CNTN5: variants seen among roughly 807,000 people sequenced by gnomAD.
CNTN5 encodes contactin-5.
In CNTN5, 77 loss-of-function variants were observed where a neutral mutation model predicts 129.1. The ratio of observed to expected loss-of-function variants is 0.60; its 90% CI spans 0.50 to 0.72. The LOEUF (loss-of-function observed/expected upper bound fraction) is 0.72, where lower values mean the gene tolerates loss of function less well. CNTN5 is among the 30% of genes least tolerant of loss of function. The probability of loss-of-function intolerance (pLI) is 0.00; values close to 1 mark genes in which losing one functional copy is unlikely to be tolerated. For synonymous variants in CNTN5, 509 were observed against 465.6 expected, an observed-to-expected ratio of 1.09 and a Z score of -1.20; for missense variants, 1,478 against 1,328.8, an observed-to-expected ratio of 1.11 and a Z score of -1.75.
chr11:99,837,150 C>G (rs1423440255), intron 4 of CNTN5, among the ~76,000 whole-genome samples: 1 of 152,170 alleles, frequency 6.6e-6, no homozygotes, highest in South Asian at 2.1e-4. Flanking sequence ...TCATTTTTCC[C>G]AGCCTCTGTT....
At chr11:99,107,635 T>A (rs1291050216) in intron 1 of CNTN5, among the ~76,000 whole-genome samples, 2 of 151,756 alleles carry the variant, frequency 1.3e-5, no homozygotes, top group East Asian at 3.9e-4. Context: ...ACAAAATGGA[T>A]CTTAAACTAG....
chr11:100,078,073 G>A (rs1303695039), intron 13 of CNTN5, among the ~76,000 whole-genome samples: 1 of 151,986 alleles, frequency 6.6e-6, no homozygotes, highest in Non-Finnish European at 1.5e-5. Context: ...GAAAATGATA[G>A]AACAACTGAA....
intron 10 of CNTN5, among the ~76,000 whole-genome samples, chr11:100,061,794 A>G (rs1045126305): frequency 6.6e-6 from 1 of 152,182 alleles, no homozygotes; most frequent in Non-Finnish European, 1.5e-5. Context: ...TGATGTTGGA[A>G]CAAAGTCACA....
At chr11:100,156,169 A>G (rs1267388086) in intron 13 of CNTN5, among the ~76,000 whole-genome samples, 3 of 152,144 alleles carry the variant, frequency 2.0e-5, no homozygotes, top group Non-Finnish European at 4.4e-5. Context: ...TTATTTTGAT[A>G]TGTTCCATCA....
At chr11:100,257,619 C>G (rs180800064) in intron 17 of CNTN5, among the ~76,000 whole-genome samples, 3 of 152,152 alleles carry the variant, frequency 2.0e-5, no homozygotes, top group African/African-American at 7.2e-5. Context: ...CTGTCCTGCA[C>G]CCTCTGCTGG....
At chr11:99,161,269 A>G (rs942324286) in intron 1 of CNTN5, among the ~76,000 whole-genome samples, 1 of 152,226 alleles carries the variant, frequency 6.6e-6, no homozygotes, top group African/African-American at 2.4e-5. Context: ...AGTATTGAAT[A>G]TTAATATTTT....
chr11:99,441,070 C>T (rs923547177), intron 2 of CNTN5, among the ~76,000 whole-genome samples: 6 of 152,108 alleles, frequency 3.9e-5, no homozygotes, highest in Non-Finnish European at 8.8e-5. Flanking sequence ...TCCTGCCACT[C>T]CTGCCTCCCA....
intron 18 of CNTN5, among the ~76,000 whole-genome samples, chr11:100,294,169 A>G (rs990680663): frequency 6.6e-6 from 1 of 151,574 alleles, no homozygotes; most frequent in African/African-American, 2.4e-5. Flanking sequence ...ACTGTAATAT[A>G]AATTGGAAAT....
At chr11:99,583,170 A>G (rs924038568) in intron 3 of CNTN5, among the ~76,000 whole-genome samples, 3 of 152,114 alleles carry the variant, frequency 2.0e-5, no homozygotes, top group Non-Finnish European at 4.4e-5. Flanking sequence ...CTGCTGCCTG[A>G]TCGTTCCTCT....
At chr11:99,133,223 G>T (rs1252708040) in intron 1 of CNTN5, among the ~76,000 whole-genome samples, 1 of 151,940 alleles carries the variant, frequency 6.6e-6, no homozygotes, top group Admixed American at 6.6e-5. Context: ...TTGAAACTGG[G>T]TTTCTTCCTT....
chr11:99,426,657 T>C (rs896273844), intron 2 of CNTN5, among the ~76,000 whole-genome samples: 3 of 152,212 alleles, frequency 2.0e-5, no homozygotes, highest in Non-Finnish European at 2.9e-5. Flanking sequence ...CGAAAAATAC[T>C]GAACTAATTT....
Position 99,866,760 on chromosome 11 carries a change from G to C in CNTN5, c.577+21498G>C, listed in dbSNP as rs574809862. ...TGTTGCAGGGTGCTGGCACCTGCTG[G>C]CTTAGCCCATGGGCGCTAAGGTCAG... is the stretch of plus-strand genomic sequence containing the variant. On this transcript the variant is annotated intron_variant, in intron 6 of 24. Transcript: ENST00000524871. Among the ~76,000 whole-genome samples, 43 of 152,298 alleles carry C rather than the reference G, an allele frequency of 2.8e-4. No individual in the cohort carries two copies. In the South Asian group the frequency reaches 8.9e-3, roughly 32 times the overall value.
chr11:99,285,345 T>TC (rs1863886430), intron 1 of CNTN5, among the ~76,000 whole-genome samples: 1 of 152,168 alleles, frequency 6.6e-6, no homozygotes, highest in Non-Finnish European at 1.5e-5. Context: ...ATAATGATAC[T>TC]CCTAGGGTTT....
chr11:99,258,829 T>C (rs1006569356), intron 1 of CNTN5, among the ~76,000 whole-genome samples: 3 of 151,852 alleles, frequency 2.0e-5, no homozygotes, highest in Non-Finnish European at 4.4e-5. Context: ...ATTAGGAAAA[T>C]AGGACAGACA....
At chr11:99,646,073 G>A (rs137911502) in intron 3 of CNTN5, among the ~76,000 whole-genome samples, 1,742 of 152,282 alleles carry the variant, frequency 0.011, 14 homozygotes, top group Middle Eastern at 0.034. Context: ...ATTTGTTTTT[G>A]TGGAGTCCAT....
intron 13 of CNTN5, among the ~76,000 whole-genome samples, chr11:100,121,534 C>G (rs1326863952): frequency 6.6e-6 from 1 of 151,898 alleles, no homozygotes. Context: ...TGTTCCTCTC[C>G]TTGGTGGGTC....
At chr11:99,968,549 C>A (rs1205930757) in intron 8 of CNTN5, among the ~76,000 whole-genome samples, 1 of 151,548 alleles carries the variant, frequency 6.6e-6, no homozygotes, top group Non-Finnish European at 1.5e-5. Context: ...TCTGTGATCC[C>A]TGAGATTTGG....
In CNTN5 at chr11:100,271,204, A is replaced by C; in HGVS notation, c.2277A>C (p.Pro759=). 6.2e-7 allele frequency: 1 copy of C among 1,611,938 alleles called. No homozygotes were observed. The highest frequency in any genetic ancestry group is 1.1e-5 in the South Asian group (1 of 90,728). Reference sequence around the variant, plus strand: ...CCAACCCTATTGGGACAGGAGATCCAAGCACCCCATCTCGAATGATCCGCA... The same window carrying C: ...CCAACCCTATTGGGACAGGAGATCCCAGCACCCCATCTCGAATGATCCGCA... ...VATNPIGTGD[P]STPSRMIRTN... Residue 759 remains proline, a synonymous_variant, in exon 18 of 25, where the codon CCA becomes CCC. Transcript: ENST00000524871.
At chr11:99,945,315 T>C (rs1193169263) in intron 7 of CNTN5, among the ~76,000 whole-genome samples, 2 of 152,028 alleles carry the variant, frequency 1.3e-5, no homozygotes, top group Non-Finnish European at 2.9e-5. Context: ...TTTTGCATGG[T>C]AAATTGGAAC....
Sources: allele counts gnomAD v4.1 joint callset (sites outside exome capture counted in the v4.1 genomes callset), GRCh38; gene constraint gnomAD v4.1.1; transcripts MANE v1.5; gene names NCBI Gene and HGNC (gene_info 2026-07-23, HGNC 2026-07-21).